RPH3AL: variants seen among roughly 807,000 people sequenced by gnomAD.
RPH3AL encodes the protein rab effector Noc2.
Under a neutral mutation model 43.1 loss-of-function variants are expected in RPH3AL, and 38 were observed. The ratio of observed to expected loss-of-function variants is 0.88; its 90% confidence interval spans 0.68 to 1.15. The LOEUF is 1.15. Ranked by LOEUF, RPH3AL falls within the 50% of genes most tolerant of loss-of-function variation. RPH3AL has a pLI of 0.00. For synonymous variants in RPH3AL, 189 were observed against 176.3 expected (o/e 1.07, Z -0.57); for missense variants, 462 against 423.2 (o/e 1.09, Z -0.81).
At chr17:247,969 G>A (rs188498349) in intron 6 of RPH3AL, among the ~76,000 whole-genome samples, 6 of 152,202 alleles carry the variant, frequency 3.9e-5, no homozygotes, top group East Asian at 3.9e-4. Flanking sequence ...AGGGCTGCAC[G>A]GGACAGACTC....
intron 5 of RPH3AL, among the ~76,000 whole-genome samples, chr17:305,313 C>G (rs1407690346): frequency 6.6e-6 from 1 of 151,980 alleles, no homozygotes; most frequent in Non-Finnish European, 1.5e-5. Flanking sequence ...TGGCGCGTAA[C>G]AGCCCTCAGC....
Position 333,929 on chromosome 17 carries a change from G to A in RPH3AL, c.-207C>T, listed in dbSNP as rs1163038317. 3 of 152,300 alleles carry A rather than the reference G, an allele frequency of 2.0e-5. No homozygotes were observed. Among genetic ancestry groups the A allele is most frequent in the Non-Finnish European group, 2.9e-5 (2 of 68,176 alleles). 9.4% of individuals were successfully genotyped at this position (152,300 alleles called of 1,614,324 possible). A position where few individuals can be genotyped will look rare whatever the true frequency, so the allele number is the denominator to read the frequency against. On this transcript the variant is annotated 5_prime_UTR_variant, in exon 2 of 10. Coordinates refer to ENST00000331302, the MANE Select transcript of RPH3AL (RefSeq NM_006987.4). The surrounding 1 kb of genome is among the most constrained non-coding windows in gnomAD (Gnocchi z 4.5). ...ATTAGATGGTTTCAATAAGGCAGAC[G>A]ATCCTCTATTCGCAAAAAAATAAAT... is the stretch of plus-strand genomic sequence containing the variant.
intron 5 of RPH3AL, among the ~76,000 whole-genome samples, chr17:295,142 G>C (rs2043143413): frequency 1.4e-5 from 2 of 139,808 alleles, no homozygotes; most frequent in Admixed American, 7.0e-5. Flanking sequence ...GGGAGGGACA[G>C]AGGGAATGCA....
At chr17:249,669 G>A (rs1219145756) in intron 6 of RPH3AL, among the ~76,000 whole-genome samples, 2 of 141,930 alleles carry the variant, frequency 1.4e-5, no homozygotes, top group Non-Finnish European at 3.0e-5. Flanking sequence ...ACTAACAAGA[G>A]TCAAGCCAAA....
chr17:349,517 T>C (rs775881390), intron 1 of RPH3AL: 9 of 152,078 alleles, frequency 5.9e-5, no homozygotes, highest in Non-Finnish European at 1.3e-4. Context: ...CCACCACATA[T>C]TGATTATTTC....
rs1298057699 is a variant in RPH3AL, at chr17:264,005, G to C, written c.439-16720C>G. Among the ~76,000 whole-genome samples, 1 of 152,132 alleles carries C rather than the reference G, an allele frequency of 6.6e-6. No individual in the cohort carries two copies. Among genetic ancestry groups the C allele is most frequent in the South Asian group, 2.1e-4 (1 of 4,820 alleles). Reference sequence around the variant, plus strand: ...GGCCTGAGGGTATCGTGCTGTTAGCGGACGCGATGCTGCTTTCCAAGATGG... The same window carrying C: ...GGCCTGAGGGTATCGTGCTGTTAGCCGACGCGATGCTGCTTTCCAAGATGG... On this transcript the variant is annotated intron_variant, in intron 6 of 9. Coordinates refer to ENST00000331302, the MANE Select transcript of RPH3AL (RefSeq NM_006987.4). The surrounding 1 kb of genome is among the most constrained non-coding windows in gnomAD (Gnocchi z 4.8).
chr17:314,611 G>C (rs1179011455), intron 5 of RPH3AL, among the ~76,000 whole-genome samples: 2 of 149,678 alleles, frequency 1.3e-5, no homozygotes, highest in African/African-American at 2.5e-5. Flanking sequence ...CTGACCTGTA[G>C]TCCCTGTGCC....
chr17:244,402 T>C (rs2041694273), intron 7 of RPH3AL, among the ~76,000 whole-genome samples: 1 of 145,648 alleles, frequency 6.9e-6, no homozygotes, highest in African/African-American at 2.5e-5. Flanking sequence ...ATGTGGGATG[T>C]AGGGAGAGGG....
intron 1 of RPH3AL, among the ~76,000 whole-genome samples, chr17:337,293 G>T (rs755972083): frequency 2.0e-5 from 3 of 152,030 alleles, no homozygotes; most frequent in Non-Finnish European, 4.4e-5. Flanking sequence ...TAAAGACAGG[G>T]TCTTGCTCTG....
chr17:338,961 T>G (rs1159897863), intron 1 of RPH3AL: 1 of 153,148 alleles, frequency 6.5e-6, no homozygotes, highest in East Asian at 1.9e-4. Context: ...CAGCAGCTTC[T>G]GCACGGCCCA....
chr17:273,794 G>A (rs188477825), intron 6 of RPH3AL, among the ~76,000 whole-genome samples: 31 of 152,302 alleles, frequency 2.0e-4, no homozygotes, highest in African/African-American at 4.6e-4. Flanking sequence ...CGTGGCTGCC[G>A]GGTTATAATC....
intron 6 of RPH3AL, among the ~76,000 whole-genome samples, chr17:266,206 G>GTA (rs2042317321): frequency 6.9e-6 from 1 of 145,978 alleles, no homozygotes; most frequent in African/African-American, 2.5e-5. Context: ...CCCCAGTGGT[G>GTA]TGTGTGTGTG....
chr17:350,399 C>G (rs1281992308), intron 1 of RPH3AL, among the ~76,000 whole-genome samples: 2 of 152,126 alleles, frequency 1.3e-5, no homozygotes, highest in South Asian at 2.1e-4. Flanking sequence ...ATCATGAGGT[C>G]AAGAGATCAA....
At chr17:227,054 C>T (rs549053977) in intron 7 of RPH3AL, among the ~76,000 whole-genome samples, 6 of 152,336 alleles carry the variant, frequency 3.9e-5, no homozygotes, top group South Asian at 2.1e-4. Flanking sequence ...ACCCGGGTGC[C>T]GCCGAGAGGC....
chr17:315,509 C>T (rs2043981045), intron 5 of RPH3AL, among the ~76,000 whole-genome samples: 1 of 152,160 alleles, frequency 6.6e-6, no homozygotes, highest in African/African-American at 2.4e-5. Flanking sequence ...GTGACTCCAC[C>T]TCCATTGACC....
At chr17:266,425 G>A (rs1386864777) in intron 6 of RPH3AL, among the ~76,000 whole-genome samples, 1 of 152,238 alleles carries the variant, frequency 6.6e-6, no homozygotes, top group Non-Finnish European at 1.5e-5. Flanking sequence ...AAAGTCTGCT[G>A]CCTCCCCATG....
intron 2 of RPH3AL, chr17:332,291 C>T (rs201079490): frequency 8.2e-4 from 135 of 164,636 alleles, no homozygotes; most frequent in South Asian, 1.7e-3. Flanking sequence ...TGTGTGTGTG[C>T]GCGTGTGTGT....
intron 7 of RPH3AL, among the ~76,000 whole-genome samples, chr17:238,486 A>C (rs1228203375): frequency 6.6e-6 from 1 of 152,168 alleles, no homozygotes; most frequent in Non-Finnish European, 1.5e-5. Context: ...TCCACCTGAG[A>C]ATCGCTTCCG....
chr17:253,382 C>A (rs868939938), intron 6 of RPH3AL, among the ~76,000 whole-genome samples: 1 of 152,156 alleles, frequency 6.6e-6, no homozygotes, highest in Non-Finnish European at 1.5e-5. Context: ...GCTGCATTCC[C>A]GCACACTGTG....
Sources: allele counts gnomAD v4.1 joint callset (sites outside exome capture counted in the v4.1 genomes callset), GRCh38; gene constraint gnomAD v4.1.1; non-coding constraint Gnocchi (gnomAD v3.1); transcripts MANE v1.5; gene names NCBI Gene and HGNC (gene_info 2026-07-23, HGNC 2026-07-21).